Variants in ZMAT4 observed in about 807,000 individuals in gnomAD.
The protein encoded by ZMAT4 is zinc finger matrin-type protein 4.
ZMAT4 carries 17 observed loss-of-function variants against 28.7 expected under a neutral mutation model. That is an observed-to-expected ratio of 0.59 (90% confidence interval 0.41 to 0.89). ZMAT4 has a LOEUF of 0.89. ZMAT4 is among the 40% of genes least tolerant of loss of function. The pLI is 0.00. For missense variants in ZMAT4, 240 were observed against 283.8 expected, an observed-to-expected ratio of 0.85 and a Z score of 1.11; for synonymous variants, 117 against 109.2, an observed-to-expected ratio of 1.07 and a Z score of -0.44.
intron 1 of ZMAT4, among the ~76,000 whole-genome samples, chr8:40,897,015 T>C (rs1382547454): frequency 6.6e-6 from 1 of 151,666 alleles, no homozygotes; most frequent in Non-Finnish European, 1.5e-5. Context: ...TGGAAAGTCT[T>C]CCAGAGTTTT....
intron 3 of ZMAT4, among the ~76,000 whole-genome samples, chr8:40,722,865 G>A (rs983486397): frequency 1.2e-4 from 18 of 152,098 alleles, no homozygotes; most frequent in Non-Finnish European, 2.6e-4. Context: ...GCGTCCACAT[G>A]CATACTCAGA....
intron 1 of ZMAT4, among the ~76,000 whole-genome samples, chr8:40,832,407 CTCAGT>C (rs1182563379): frequency 6.6e-6 from 1 of 152,176 alleles, no homozygotes; most frequent in Non-Finnish European, 1.5e-5. Flanking sequence ...CTTACTCACC[CTCAGT>C]AGATCCATGA....
At chr8:40,650,125 A>T (rs1375941080) in intron 5 of ZMAT4, among the ~76,000 whole-genome samples, 6 of 152,230 alleles carry the variant, frequency 3.9e-5, no homozygotes, top group Admixed American at 6.5e-5. Flanking sequence ...CAAAAAGTTA[A>T]TGAATCCAGG....
chr8:40,587,092 C>A, intron 5 of ZMAT4, among the ~76,000 whole-genome samples: 1 of 141,378 alleles, frequency 7.1e-6, no homozygotes, highest in South Asian at 2.3e-4. Flanking sequence ...CTGAACTGCT[C>A]AAGGAACAAA....
chr8:40,576,124 A>G (rs1804254491), intron 6 of ZMAT4, among the ~76,000 whole-genome samples: 1 of 152,096 alleles, frequency 6.6e-6, no homozygotes, highest in Admixed American at 6.5e-5. Context: ...GACAAAATAG[A>G]AAAATAATAA....
At chr8:40,736,280 C>T (rs115304952) in intron 3 of ZMAT4, among the ~76,000 whole-genome samples, 1 of 152,140 alleles carries the variant, frequency 6.6e-6, no homozygotes, top group Admixed American at 6.5e-5. Flanking sequence ...AAACAGCTCA[C>T]CAGGAAAATG....
At chr8:40,790,034 A>T (rs1394506778) in intron 2 of ZMAT4, among the ~76,000 whole-genome samples, 15 of 152,142 alleles carry the variant, frequency 9.9e-5, no homozygotes, top group Non-Finnish European at 1.5e-5. Flanking sequence ...CCTCCAGTCA[A>T]GGCATACATG....
intron 5 of ZMAT4, among the ~76,000 whole-genome samples, chr8:40,653,074 A>G (rs1807754802): frequency 6.6e-6 from 1 of 152,122 alleles, no homozygotes; most frequent in Non-Finnish European, 1.5e-5. Context: ...ACTAAAACTT[A>G]AAGTATAATA....
intron 3 of ZMAT4, among the ~76,000 whole-genome samples, chr8:40,733,381 A>G (rs959514731): frequency 3.9e-5 from 6 of 152,206 alleles, no homozygotes; most frequent in African/African-American, 1.4e-4. Flanking sequence ...TTAAAAAGTC[A>G]GAGAGAGGGT....
In ZMAT4 at chr8:40,858,718, A is replaced by G. The variant is rs553281282; in HGVS notation, c.-4-33038T>C. On this transcript the variant is annotated intron_variant, in intron 1 of 6. Transcript: ENST00000297737. The stretch of plus-strand genomic sequence containing the variant: ...ATTCCGCCAATGAAGAGCCCACCTC[A>G]GTCTTCAAGGTACTAGCAAGGTCCT... Among the ~76,000 whole-genome samples, 320 of 152,292 alleles carry G rather than the reference A, an allele frequency of 2.1e-3. 1 individual carries two copies. The highest frequency in any genetic ancestry group is 3.9e-3 in the Non-Finnish European group (268 of 68,016).
intron 5 of ZMAT4, among the ~76,000 whole-genome samples, chr8:40,599,811 TA>T (rs1805235819): frequency 6.6e-6 from 1 of 152,168 alleles, no homozygotes; most frequent in Non-Finnish European, 1.5e-5. Context: ...GTGGGAGGCA[TA>T]GGGGGGCCCC....
intron 3 of ZMAT4, among the ~76,000 whole-genome samples, chr8:40,737,900 G>A (rs1454375748): frequency 6.6e-6 from 1 of 151,942 alleles, no homozygotes; most frequent in East Asian, 1.9e-4. Flanking sequence ...CTAGAGTCTG[G>A]TCCACTGCAG....
chr8:40,558,258 T>A (rs1803612154), intron 6 of ZMAT4, among the ~76,000 whole-genome samples: 1 of 152,124 alleles, frequency 6.6e-6, no homozygotes, highest in African/African-American at 2.4e-5. Flanking sequence ...AATGGGAAGC[T>A]GTCAGTGGAT....
chr8:40,668,402 G>A (rs570565486), intron 5 of ZMAT4, among the ~76,000 whole-genome samples: 4 of 149,812 alleles, frequency 2.7e-5, no homozygotes, highest in South Asian at 4.2e-4. Context: ...CCCAGGAGGC[G>A]GAGGTTGCAG....
chr8:40,822,660 T>C (rs1347953437), intron 2 of ZMAT4, among the ~76,000 whole-genome samples: 1 of 152,234 alleles, frequency 6.6e-6, no homozygotes, highest in Non-Finnish European at 1.5e-5. Flanking sequence ...CGGAAATTGA[T>C]ATAAGGTATC....
chr8:40,559,800 C>T (rs1211326383), intron 6 of ZMAT4, among the ~76,000 whole-genome samples: 1 of 152,066 alleles, frequency 6.6e-6, no homozygotes, highest in East Asian at 1.9e-4. Flanking sequence ...CAGAAACACA[C>T]AGATATACAC....
At chr8:40,613,703 G>A (rs1805888605) in intron 5 of ZMAT4, among the ~76,000 whole-genome samples, 1 of 152,108 alleles carries the variant, frequency 6.6e-6, no homozygotes, top group Admixed American at 6.5e-5. Context: ...CACCACCAGA[G>A]GACAGTAAGT....
intron 2 of ZMAT4, among the ~76,000 whole-genome samples, chr8:40,769,291 A>G (rs866366960): frequency 1.3e-5 from 2 of 152,160 alleles, no homozygotes; most frequent in South Asian, 4.1e-4. Context: ...TTTTGTCTAG[A>G]AGATTTTTTA....
intron 5 of ZMAT4, among the ~76,000 whole-genome samples, chr8:40,635,140 C>T (rs2589870): frequency 0.23 from 34,645 of 152,054 alleles, 4,426 homozygotes; most frequent in South Asian, 0.29. Flanking sequence ...AACAGTGTTC[C>T]AGGTTTTGTC....
Sources: allele counts gnomAD v4.1 joint callset (sites outside exome capture counted in the v4.1 genomes callset), GRCh38; gene constraint gnomAD v4.1.1; transcripts MANE v1.5; gene names NCBI Gene and HGNC (gene_info 2026-07-23, HGNC 2026-07-21).